ACYP2: variants seen among roughly 807,000 people sequenced by gnomAD.
The protein encoded by ACYP2 is acylphosphatase 2.
In ACYP2, 12 loss-of-function variants were observed where a neutral mutation model predicts 11.2. The observed-to-expected ratio is 1.08, with a 90% CI of 0.69 to 1.74. The LOEUF (loss-of-function observed/expected upper bound fraction) is 1.74. Among genes scored for constraint, ACYP2 ranks in the 40% most tolerant of loss-of-function variants. ACYP2 has a pLI of 0.00. For synonymous variants in ACYP2, 43 were observed against 32.2 expected, an observed-to-expected ratio of 1.33 and a Z score of -1.13; for missense variants, 134 against 101.9, an observed-to-expected ratio of 1.31 and a Z score of -1.35.
intron 6 of ACYP2, among the ~76,000 whole-genome samples, chr2:54,282,440 T>C (rs1447106447): frequency 6.6e-6 from 1 of 152,226 alleles, no homozygotes; most frequent in Admixed American, 6.5e-5. Flanking sequence ...CAGATGGCCC[T>C]TGTGGTCATA....
intron 2 of ACYP2, among the ~76,000 whole-genome samples, chr2:54,004,876 C>A (rs1672979040): frequency 2.4e-5 from 3 of 122,594 alleles, no homozygotes; most frequent in Admixed American, 1.0e-4. Context: ...GCCTGGGCAA[C>A]AGTGCAAGAC....
intron 6 of ACYP2, among the ~76,000 whole-genome samples, chr2:54,209,759 C>T (rs747812806): frequency 6.6e-6 from 1 of 152,168 alleles, no homozygotes; most frequent in African/African-American, 2.4e-5. Context: ...TGGCCATCTT[C>T]ACTCTATTCC....
At chr2:54,089,119 A>G (rs1165085412) in intron 4 of ACYP2, among the ~76,000 whole-genome samples, 3 of 152,234 alleles carry the variant, frequency 2.0e-5, no homozygotes, top group Admixed American at 6.5e-5. Context: ...AGTTTGTTCT[A>G]TCATTGGATT....
Position 53,975,600 on chromosome 2 carries a change from A to G in ACYP2, c.62+1790A>G, listed in dbSNP as rs138408113. Reference sequence around the variant, plus strand: ...GCAATCCCAGCACTTTGGAGAGACAAGGCAGGCGGATCACAAGGTCAGGAG... The same window carrying G: ...GCAATCCCAGCACTTTGGAGAGACAGGGCAGGCGGATCACAAGGTCAGGAG... On this transcript the variant is annotated intron_variant, in intron 2 of 6. Transcript: ENST00000607452. 9.0e-3 allele frequency among the ~76,000 whole-genome samples: 1,370 copies of G among 152,232 alleles called. 25 individuals carry two copies. Among genetic ancestry groups the G allele is most frequent in the African/African-American group, 0.031 (1,302 of 41,522 alleles).
chr2:54,205,893 A>C (rs1214180697), intron 6 of ACYP2, among the ~76,000 whole-genome samples: 3 of 152,196 alleles, frequency 2.0e-5, no homozygotes, highest in Non-Finnish European at 4.4e-5. Context: ...TTGTATCAAT[A>C]ATTATGAATA....
rs143615494 is a variant in ACYP2 at position 54,154,190 on chromosome 2, C to T, written c.404+15442C>T. 2.3e-3 allele frequency among the ~76,000 whole-genome samples: 347 copies of T among 152,164 alleles called. 2 individuals are homozygous for T. Among genetic ancestry groups the T allele is most frequent in the Admixed American group, 0.018 (268 of 15,296 alleles). ...CAACTTTACTATTTATCACTTCTAA[C>T]AGTTTTTTGGTAGAGTCTTTATGGT... On this transcript the variant is annotated intron_variant, in intron 6 of 6. Coordinates refer to ENST00000607452, the MANE Select transcript of ACYP2 (RefSeq NM_001320586.2).
chr2:54,268,460 T>G (rs956396118), intron 6 of ACYP2, among the ~76,000 whole-genome samples: 3 of 152,164 alleles, frequency 2.0e-5, no homozygotes, highest in Admixed American at 6.5e-5. Context: ...ACTTGCCTTT[T>G]TAAATTTAAC....
At chr2:53,989,981 CTT>C (rs112395166) in intron 2 of ACYP2, among the ~76,000 whole-genome samples, 4 of 143,168 alleles carry the variant, frequency 2.8e-5, no homozygotes, top group Non-Finnish European at 4.6e-5. Context: ...CTTTTCTTTT[CTT>C]TTTTTTTTTT....
At chr2:54,219,666 T>G (rs960884149) in intron 6 of ACYP2, among the ~76,000 whole-genome samples, 5 of 151,994 alleles carry the variant, frequency 3.3e-5, no homozygotes, top group Non-Finnish European at 7.4e-5. Context: ...TTGCCCAGGC[T>G]GGAGTGCAGT....
At chr2:54,257,883 A>G (rs1257756470) in intron 6 of ACYP2, among the ~76,000 whole-genome samples, 1 of 152,262 alleles carries the variant, frequency 6.6e-6, no homozygotes, top group East Asian at 1.9e-4. Flanking sequence ...TGGAATCAGT[A>G]GCTTAAAAAA....
Position 54,283,945 on chromosome 2 carries a change from T to C in ACYP2, c.405-20743T>C, listed in dbSNP as rs184484043. ...GCCAGGCCAACATGGAGAAACCCCG[T>C]CTCTACTAAAAATACAAATATTAGC... On this transcript the variant is annotated intron_variant, in intron 6 of 6. Coordinates refer to ENST00000607452, the MANE Select transcript of ACYP2 (RefSeq NM_001320586.2). 7.1e-3 allele frequency among the ~76,000 whole-genome samples: 1,080 copies of C among 152,172 alleles called. 14 individuals carry two copies. Among genetic ancestry groups the C allele is most frequent in the African/African-American group, 0.025 (1,021 of 41,510 alleles).
chr2:54,250,038 A>T (rs1024884603), intron 6 of ACYP2, among the ~76,000 whole-genome samples: 4 of 151,766 alleles, frequency 2.6e-5, no homozygotes, highest in Non-Finnish European at 4.4e-5. Flanking sequence ...AGAGCCCCCA[A>T]CCCCTGACAT....
chr2:54,155,462 CAGG>C (rs1388759248), intron 6 of ACYP2, among the ~76,000 whole-genome samples: 1 of 152,154 alleles, frequency 6.6e-6, no homozygotes, highest in African/African-American at 2.4e-5. Flanking sequence ...GACCACACAG[CAGG>C]AGGTGAGTGG....
intron 4 of ACYP2, among the ~76,000 whole-genome samples, chr2:54,092,380 C>T (rs56374740): frequency 0.15 from 22,831 of 152,132 alleles, 1,863 homozygotes; most frequent in African/African-American, 0.22. Flanking sequence ...TCCGCTGATC[C>T]GTAGGAGCAG....
chr2:54,039,086 G>A (rs114331048), intron 2 of ACYP2, among the ~76,000 whole-genome samples: 2,307 of 152,082 alleles, frequency 0.015, 33 homozygotes, highest in African/African-American at 0.035. Flanking sequence ...TGGGGAGCGT[G>A]CTCCTATAAT....
intron 6 of ACYP2, among the ~76,000 whole-genome samples, chr2:54,242,684 T>C (rs1396398737): frequency 6.6e-6 from 1 of 152,200 alleles, no homozygotes; most frequent in Non-Finnish European, 1.5e-5. Flanking sequence ...TTCAGTAACA[T>C]GGCATACTAT....
At position 54,138,758 on chromosome 2, in the gene ACYP2, A is replaced by G. The variant is rs777730557; in HGVS notation, c.404+10A>G. 1.3e-6 allele frequency: 2 copies of G among 1,599,066 alleles called. No individual in the cohort carries two copies. The highest frequency in any genetic ancestry group is 2.2e-5 in the South Asian group (2 of 90,082). On this transcript the variant is annotated intron_variant, in intron 6 of 6. Transcript: ENST00000607452. ...ACAAAGTCAATTCCATGTGAGTAGTAAAATTAATAACATGTACATGAAATT... is the reference window on the plus strand; with the variant it reads ...ACAAAGTCAATTCCATGTGAGTAGTGAAATTAATAACATGTACATGAAATT...
At chr2:54,235,195 G>T (rs926692350) in intron 6 of ACYP2, among the ~76,000 whole-genome samples, 2 of 152,050 alleles carry the variant, frequency 1.3e-5, no homozygotes, top group African/African-American at 4.8e-5. Flanking sequence ...TCAAGGTTAT[G>T]CTAGCCTTGT....
At chr2:54,211,582 G>T (rs534020721) in intron 6 of ACYP2, among the ~76,000 whole-genome samples, 1 of 152,252 alleles carries the variant, frequency 6.6e-6, no homozygotes, top group Admixed American at 6.5e-5. Flanking sequence ...AGTGTTGTCA[G>T]TTCTATGTTT....
Sources: gnomAD v4.1 joint callset for allele counts (sites outside exome capture counted in the v4.1 genomes callset) on GRCh38, gnomAD v4.1.1 for gene constraint, MANE v1.5 for transcripts, NCBI Gene and HGNC (gene_info 2026-07-23, HGNC 2026-07-21) for gene names.